The following LMX1A variants were observed in gnomAD, a reference collection of about 807,000 sequenced individuals.
LMX1A encodes LIM homeobox transcription factor 1-alpha.
In LMX1A, 15 loss-of-function variants were observed where a neutral mutation model predicts 49.1. The observed-to-expected ratio is 0.31, with a 90% CI of 0.20 to 0.47. LMX1A has a LOEUF of 0.47. LMX1A is among the 20% of genes least tolerant of loss of function. LMX1A has a pLI of 1.00. For synonymous variants in LMX1A, 167 were observed against 185.7 expected (o/e 0.90, Z 0.82); for missense variants, 372 against 475.8 (o/e 0.78, Z 2.03).
intron 3 of LMX1A, among the ~76,000 whole-genome samples, chr1:165,267,525 C>T (rs577922584): frequency 6.6e-6 from 1 of 152,146 alleles, no homozygotes; most frequent in Non-Finnish European, 1.5e-5. Flanking sequence ...GTTTTCAATT[C>T]TTTCATCCTA....
intron 3 of LMX1A, among the ~76,000 whole-genome samples, chr1:165,317,033 GAAGA>G (rs1431617463): frequency 1.3e-5 from 2 of 152,190 alleles, no homozygotes; most frequent in Non-Finnish European, 2.9e-5. Flanking sequence ...AATGGCTTGA[GAAGA>G]AAGTAAACTC....
At chr1:165,286,047 G>C (rs920515958) in intron 3 of LMX1A, among the ~76,000 whole-genome samples, 2 of 152,182 alleles carry the variant, frequency 1.3e-5, no homozygotes, top group African/African-American at 4.8e-5. Flanking sequence ...GCTGTACAGG[G>C]GGAAGTGGAA....
At chr1:165,219,265 A>T (rs957462661) in intron 4 of LMX1A, among the ~76,000 whole-genome samples, 1 of 152,150 alleles carries the variant, frequency 6.6e-6, no homozygotes, top group Non-Finnish European at 1.5e-5. Context: ...AACGGCCCAT[A>T]AACAGGGCAA....
intron 3 of LMX1A, among the ~76,000 whole-genome samples, chr1:165,343,083 T>C (rs1476624811): frequency 6.6e-6 from 1 of 152,158 alleles, no homozygotes; most frequent in Non-Finnish European, 1.5e-5. Flanking sequence ...TCTTTGAAAA[T>C]TAAAAAGGAT....
intron 3 of LMX1A, among the ~76,000 whole-genome samples, chr1:165,327,498 G>T (rs1655624082): frequency 6.6e-6 from 1 of 152,236 alleles, no homozygotes; most frequent in Admixed American, 6.5e-5. Context: ...CAGGACTGCT[G>T]CCAAATCCTG....
At chr1:165,275,553 T>A (rs1019273801) in intron 3 of LMX1A, among the ~76,000 whole-genome samples, 2 of 152,160 alleles carry the variant, frequency 1.3e-5, no homozygotes, top group African/African-American at 4.8e-5. Flanking sequence ...CCCTACTGGG[T>A]TCCCCTCAAT....
At chr1:165,331,017 G>C (rs1655728877) in intron 3 of LMX1A, among the ~76,000 whole-genome samples, 1 of 152,078 alleles carries the variant, frequency 6.6e-6, no homozygotes, top group Admixed American at 6.6e-5. Flanking sequence ...CTGCCTACTG[G>C]CAATTTTAAA....
intron 4 of LMX1A, among the ~76,000 whole-genome samples, chr1:165,230,120 G>T (rs1652187526): frequency 6.6e-6 from 1 of 152,150 alleles, no homozygotes. Context: ...CCAGAAGAGG[G>T]TTCTCTCCAG....
chr1:165,206,324 C>T (rs1040362025), intron 7 of LMX1A, among the ~76,000 whole-genome samples: 4 of 152,164 alleles, frequency 2.6e-5, no homozygotes, highest in African/African-American at 4.8e-5. Flanking sequence ...GATCTTTCTA[C>T]GATAACCCAG....
chr1:165,349,097 C>G (rs1656338047), intron 3 of LMX1A, among the ~76,000 whole-genome samples: 1 of 152,212 alleles, frequency 6.6e-6, no homozygotes, highest in South Asian at 2.1e-4. Flanking sequence ...TGATAAACTT[C>G]ATATGTGAGG....
At chr1:165,326,587 G>C (rs1340165438) in intron 3 of LMX1A, among the ~76,000 whole-genome samples, 1 of 152,190 alleles carries the variant, frequency 6.6e-6, no homozygotes, top group Non-Finnish European at 1.5e-5. Flanking sequence ...GCAAAGTCAA[G>C]TGTGCCTGGG....
intron 6 of LMX1A, among the ~76,000 whole-genome samples, chr1:165,209,296 C>T (rs978081167): frequency 8.5e-5 from 13 of 152,154 alleles, no homozygotes; most frequent in African/African-American, 3.1e-4. Flanking sequence ...TATATTTGGT[C>T]GTTGACCCTG....
At chr1:165,250,686 C>T (rs1653025770) in intron 3 of LMX1A, among the ~76,000 whole-genome samples, 1 of 152,226 alleles carries the variant, frequency 6.6e-6, no homozygotes, top group South Asian at 2.1e-4. Flanking sequence ...AGGAAAATCC[C>T]TCTCAGAATT....
intron 3 of LMX1A, among the ~76,000 whole-genome samples, chr1:165,335,384 T>C (rs1042744386): frequency 3.9e-4 from 60 of 152,300 alleles, no homozygotes; most frequent in African/African-American, 1.4e-3. Flanking sequence ...ATTCACTAAA[T>C]TAATAATAAC....
intron 3 of LMX1A, among the ~76,000 whole-genome samples, chr1:165,278,536 T>C (rs1654041287): frequency 6.6e-6 from 1 of 152,180 alleles, no homozygotes; most frequent in Non-Finnish European, 1.5e-5. Context: ...CAAGTTTTTT[T>C]TTCCTTCCTG....
At chr1:165,229,128 G>GA (rs994482393) in intron 4 of LMX1A, among the ~76,000 whole-genome samples, 5 of 151,294 alleles carry the variant, frequency 3.3e-5, no homozygotes, top group South Asian at 2.1e-4. Flanking sequence ...ACCAAGAAAT[G>GA]AAAAAAATGT....
At chr1:165,258,083 A>G (rs1653308889) in intron 3 of LMX1A, among the ~76,000 whole-genome samples, 1 of 152,204 alleles carries the variant, frequency 6.6e-6, no homozygotes, top group South Asian at 2.1e-4. Context: ...CAAGGCAGGA[A>G]TCTGTGTATC....
At chr1:165,260,839 G>A (rs1466395641) in intron 3 of LMX1A, among the ~76,000 whole-genome samples, 6 of 152,074 alleles carry the variant, frequency 3.9e-5, no homozygotes, top group African/African-American at 1.4e-4. Flanking sequence ...AGCTGCTATG[G>A]GGTTTTCCCT....
intron 6 of LMX1A, among the ~76,000 whole-genome samples, chr1:165,210,445 A>T (rs1455665313): frequency 6.6e-6 from 1 of 152,262 alleles, no homozygotes; most frequent in East Asian, 1.9e-4. Flanking sequence ...TTATTCATAC[A>T]GATGGCTGGC....
Sources: allele counts gnomAD v4.1 joint callset (sites outside exome capture counted in the v4.1 genomes callset), GRCh38; gene constraint gnomAD v4.1.1; transcripts MANE v1.5; gene names NCBI Gene and HGNC (gene_info 2026-07-23, HGNC 2026-07-21).